The following B3GALNT1 variants were observed in gnomAD, a reference collection of about 807,000 sequenced individuals.
B3GALNT1 encodes UDP-GalNAc:beta-1,3-N-acetylgalactosaminyltransferase 1.
Under a neutral mutation model 27.3 loss-of-function variants are expected in B3GALNT1, and 17 were observed. The observed-to-expected ratio is 0.62, with a 90% CI of 0.43 to 0.94. The LOEUF (loss-of-function observed/expected upper bound fraction) is 0.94. Among genes scored for constraint, B3GALNT1 ranks in the 40% least tolerant of loss-of-function variants. The pLI is 0.00. For missense variants in B3GALNT1, 347 were observed against 390.0 expected (o/e 0.89, Z 0.93); for synonymous variants, 141 against 144.0 (o/e 0.98, Z 0.15).
Position 161,086,343 on chromosome 3 carries a change from G to A in B3GALNT1, c.412C>T (p.Leu138Phe), listed in dbSNP as rs1193162805. ...MLALSLEDEH[L>F]LYGDIIRQDF... Reference sequence around the variant, plus strand: ...TGTCGGATTATGTCACCATAAAGAAGGTGTTCATCCTCTAAGGACAATGCC... The same window carrying A: ...TGTCGGATTATGTCACCATAAAGAAAGTGTTCATCCTCTAAGGACAATGCC... The change falls in exon 5 of 5, where the codon CTT becomes TTT. Residue 138 changes from leucine (L) to phenylalanine (F), a missense_variant. Transcript: ENST00000320474. The A allele has an allele frequency of 1.2e-6, 2 of 1,614,106 alleles. No individual in the cohort carries two copies. Among genetic ancestry groups the A allele is most frequent in the Non-Finnish European group, 1.7e-6 (2 of 1,180,030 alleles).
intron 4 of B3GALNT1, among the ~76,000 whole-genome samples, chr3:161,087,832 C>G (rs1722831067): frequency 6.6e-6 from 1 of 152,148 alleles, no homozygotes; most frequent in Admixed American, 6.5e-5. Flanking sequence ...AAAGACCAGG[C>G]ACTAAGGAGA....
chr3:161,104,248 TG>T (rs1733070457), intron 2 of B3GALNT1, 70 bp downstream of exon 2: 1 of 1,201,160 alleles, frequency 8.3e-7, no homozygotes, highest in Non-Finnish European at 1.1e-6. Context: ...GCCCTTCTTT[TG>T]CTTAAGCCTC....
chr3:161,096,202 A>C (rs951406295), intron 4 of B3GALNT1, among the ~76,000 whole-genome samples: 2 of 152,354 alleles, frequency 1.3e-5, no homozygotes, highest in South Asian at 4.1e-4. Context: ...TCCTAAGAAT[A>C]AGCTGAATCC....
chr3:161,086,814 TA>T, intron 4 of B3GALNT1, 26 bp from the exon 5 acceptor site: 1 of 1,595,956 alleles, frequency 6.3e-7, no homozygotes, highest in Non-Finnish European at 8.5e-7. Context: ...AAGATTGGGT[TA>T]ATATTCCACA....
At chr3:161,095,081 C>T (rs867970924) in intron 4 of B3GALNT1, among the ~76,000 whole-genome samples, 6 of 152,128 alleles carry the variant, frequency 3.9e-5, no homozygotes, top group South Asian at 2.1e-4. Flanking sequence ...ATCCTCCCAC[C>T]GCAGCCTCCC....
chr3:161,087,170 C>A (rs1277210529), intron 4 of B3GALNT1, among the ~76,000 whole-genome samples: 2 of 152,086 alleles, frequency 1.3e-5, no homozygotes, highest in Non-Finnish European at 2.9e-5. Flanking sequence ...TAAAATGTAT[C>A]TCCTCTTTAT....
intron 4 of B3GALNT1, among the ~76,000 whole-genome samples, chr3:161,098,817 C>T (rs1010094606): frequency 2.0e-5 from 3 of 152,152 alleles, no homozygotes; most frequent in Non-Finnish European, 4.4e-5. Flanking sequence ...ACTTATGACA[C>T]AAACACAATG....
rs571362041 is a variant in B3GALNT1 at position 161,084,706 on chromosome 3, A to C, written c.*1053T>G. On this transcript the variant is annotated 3_prime_UTR_variant, in exon 5 of 5. Coordinates refer to ENST00000320474, the MANE Select transcript of B3GALNT1 (RefSeq NM_003781.4). ...GAGAAACTCATAACAGCAGCAGCTCAAACTGATTGTTAAAAGGAAAAAACA... is the reference window on the plus strand; with the variant it reads ...GAGAAACTCATAACAGCAGCAGCTCCAACTGATTGTTAAAAGGAAAAAACA... 2.0e-5 allele frequency: 3 copies of C among 152,208 alleles called. No homozygotes were observed. Among genetic ancestry groups the C allele is most frequent in the Non-Finnish European group, 4.4e-5 (3 of 68,004 alleles). The allele number at this position is 152,208 out of a possible 1,614,324, so 9.4% of individuals were successfully genotyped here.
At chr3:161,092,284 G>C (rs1725539584) in intron 4 of B3GALNT1, among the ~76,000 whole-genome samples, 1 of 152,106 alleles carries the variant, frequency 6.6e-6, no homozygotes, top group African/African-American at 2.4e-5. Flanking sequence ...AAATGAATTG[G>C]ATTTGTATAC....
chr3:161,104,429 A>T (rs1436418250), intron 1 of B3GALNT1, 23 bp from the exon 2 acceptor site: 1 of 1,131,980 alleles, frequency 8.8e-7, no homozygotes, highest in African/African-American at 1.6e-5. Context: ...CAGAGGAAAC[A>T]AAATCATGAA....
Position 161,085,756 on chromosome 3 carries a change from A to C in B3GALNT1, c.*3T>G. The C allele has an allele frequency of 6.2e-7, 1 of 1,613,968 alleles. No homozygotes were observed. The highest frequency in any genetic ancestry group is 8.5e-7 in the Non-Finnish European group (1 of 1,179,894). ...CCTTCTAGGCTTTTTGTAGAATGTG[A>C]AGTTAATAATGGCATGTGGTGTTCC... On this transcript the variant is annotated 3_prime_UTR_variant, in exon 5 of 5. Transcript: ENST00000320474.
chr3:161,098,702 T>A (rs1388506029), intron 4 of B3GALNT1, among the ~76,000 whole-genome samples: 2 of 152,198 alleles, frequency 1.3e-5, no homozygotes, highest in African/African-American at 4.8e-5. Context: ...CTCCAACAAG[T>A]TCACTTTTTG....
At chr3:161,086,920 G>C (rs1722363700) in intron 4 of B3GALNT1, 132 bp from the exon 5 acceptor site, 1 of 938,790 alleles carries the variant, frequency 1.1e-6, no homozygotes, top group South Asian at 1.5e-5. Context: ...ATCCTGACTT[G>C]AATCTACTTC....
At chr3:161,093,517 C>A (rs557487511) in intron 4 of B3GALNT1, among the ~76,000 whole-genome samples, 3 of 151,998 alleles carry the variant, frequency 2.0e-5, no homozygotes, top group African/African-American at 7.3e-5. Flanking sequence ...ACAAGGACCC[C>A]GACACTGTTC....
intron 3 of B3GALNT1, chr3:161,103,103 T>C (rs371723261): frequency 3.9e-5 from 6 of 152,726 alleles, no homozygotes; most frequent in African/African-American, 1.4e-4. Flanking sequence ...CCGGGTGAGG[T>C]GGCACACACC....
Position 161,085,801 on chromosome 3 carries a change from A to C in B3GALNT1, c.954T>G (p.Thr318=), listed in dbSNP as rs749836467. 3.7e-6 allele frequency: 6 copies of C among 1,614,084 alleles called. No homozygotes were observed. The highest frequency in any genetic ancestry group is 5.1e-6 in the Non-Finnish European group (6 of 1,180,044). The change falls in exon 5 of 5, where the codon ACT becomes ACG. Residue 318 remains threonine, a synonymous_variant. Coordinates refer to ENST00000320474, the MANE Select transcript of B3GALNT1 (RefSeq NM_003781.4). The stretch of plus-strand genomic sequence containing the variant: ...TGTTCCTTAGCATGACCTGCCAAAA[A>C]GTGATGATCTCCTTGGAAGAAAAGC... ...AHGFSSKEII[T]FWQVMLRNTT...
At chr3:161,099,164 G>A (rs1331932279) in intron 4 of B3GALNT1, among the ~76,000 whole-genome samples, 1 of 152,150 alleles carries the variant, frequency 6.6e-6, no homozygotes, top group East Asian at 1.9e-4. Context: ...TCCTGCTGAT[G>A]TTCTAAGGTT....
In B3GALNT1 at chr3:161,101,156, G is replaced by A. The variant is rs1201000332; in HGVS notation, c.-52C>T. 10 of 1,289,724 alleles carry A rather than the reference G, an allele frequency of 7.8e-6. No individual in the cohort carries two copies. Among genetic ancestry groups the A allele is most frequent in the Non-Finnish European group, 1.0e-5 (10 of 988,864 alleles). 79.9% of individuals were successfully genotyped at this position (1,289,724 alleles called of 1,614,324 possible). ...AGACACACCTTTACACTCGGGGTGAGTAGTCGGAGAGCACCACGTGATAGA... is the reference window on the plus strand; with the variant it reads ...AGACACACCTTTACACTCGGGGTGAATAGTCGGAGAGCACCACGTGATAGA... On this transcript the variant is annotated 5_prime_UTR_variant, in exon 4 of 5. Transcript: ENST00000320474.
At chr3:161,103,628 A>G in intron 2 of B3GALNT1, 111 bp from the exon 3 acceptor site, 1 of 275,532 alleles carries the variant, frequency 3.6e-6, no homozygotes, top group Non-Finnish European at 6.8e-6. Flanking sequence ...TTTATTACAT[A>G]TCAACACTTT....
Sources: gnomAD v4.1 joint callset for allele counts (sites outside exome capture counted in the v4.1 genomes callset) on GRCh38, gnomAD v4.1.1 for gene constraint, MANE v1.5 for transcripts, NCBI Gene and HGNC (gene_info 2026-07-23, HGNC 2026-07-21) for gene names.